Variants in SORT1 observed in about 807,000 individuals in gnomAD.
The protein encoded by SORT1 is sortilin 1.
A neutral mutation model predicts 101.7 loss-of-function variants in SORT1; 39 were observed. The ratio of observed to expected loss-of-function variants is 0.38; its 90% CI spans 0.30 to 0.50. SORT1 has a LOEUF of 0.50. Ranked by LOEUF, SORT1 falls within the 20% of genes least tolerant of loss-of-function variation. The pLI, the probability that SORT1 is intolerant of heterozygous loss-of-function variation, is 0.90. For missense variants in SORT1, 878 were observed against 1,040.4 expected (o/e 0.84, Z 2.15); for synonymous variants, 396 against 393.7 (o/e 1.01, Z -0.07).
chr1:109,376,067 G>A (rs1434234498), intron 1 of SORT1, among the ~76,000 whole-genome samples: 3 of 152,342 alleles, frequency 2.0e-5, no homozygotes, highest in African/African-American at 7.2e-5. Flanking sequence ...AAAGGGCCGG[G>A]CGTGGTGGCT....
At chr1:109,354,333 C>G (rs775262405) in intron 5 of SORT1, 34 bp downstream of exon 5, 2 of 1,578,580 alleles carry the variant, frequency 1.3e-6, no homozygotes, top group African/African-American at 1.4e-5. Context: ...CTATAAAATG[C>G]AAAAGGCAAA....
At chr1:109,360,366 T>C (rs1650638052) in intron 3 of SORT1, among the ~76,000 whole-genome samples, 1 of 152,102 alleles carries the variant, frequency 6.6e-6, no homozygotes, top group Non-Finnish European at 1.5e-5. Context: ...AGGGTCTTGC[T>C]CTGCCACCCA....
At chr1:109,347,574 T>G in intron 6 of SORT1, 42 bp from the exon 7 acceptor site, 2 of 1,395,552 alleles carry the variant, frequency 1.4e-6, no homozygotes, top group Non-Finnish European at 2.0e-6. Context: ...GGTTTAAGAC[T>G]GCTGAAGGAC....
intron 3 of SORT1, among the ~76,000 whole-genome samples, chr1:109,364,430 CTAGAAA>C (rs1403282276): frequency 6.6e-6 from 1 of 152,072 alleles, no homozygotes; most frequent in Admixed American, 6.5e-5. Context: ...GAAGAGTGAA[CTAGAAA>C]TAAACATCCC....
chr1:109,345,332 T>C (rs1172249068), intron 8 of SORT1, among the ~76,000 whole-genome samples: 2 of 152,056 alleles, frequency 1.3e-5, no homozygotes, highest in African/African-American at 2.4e-5. Flanking sequence ...CCGGCCAACA[T>C]GGCAAAACCC....
At chr1:109,390,404 C>T (rs901586213) in intron 1 of SORT1, among the ~76,000 whole-genome samples, 1 of 152,122 alleles carries the variant, frequency 6.6e-6, no homozygotes, top group African/African-American at 2.4e-5. Flanking sequence ...TAAAACTTCT[C>T]ATTTGACCCT....
rs988754885 is a variant in SORT1, at chr1:109,331,633, C to T, written c.1372-4032G>A. Reference sequence around the variant, plus strand: ...AGATCAGGAATAAGACAAAGATGCCCATTCTCACCACTTCTGTTCATTATA... The same window carrying T: ...AGATCAGGAATAAGACAAAGATGCCTATTCTCACCACTTCTGTTCATTATA... On this transcript the variant is annotated intron_variant, in intron 11 of 19. Coordinates refer to ENST00000256637, the MANE Select transcript of SORT1 (RefSeq NM_002959.7). 7.2e-5 allele frequency among the ~76,000 whole-genome samples: 11 copies of T among 152,250 alleles called. No homozygotes were observed. The South Asian group carries it at 2.3e-3, about 32-fold the overall frequency.
At chr1:109,344,257 G>C (rs1228167336) in intron 8 of SORT1, among the ~76,000 whole-genome samples, 1 of 150,808 alleles carries the variant, frequency 6.6e-6, no homozygotes, top group Non-Finnish European at 1.5e-5. Context: ...GCGTGCCCCT[G>C]TCAGGCTGTT....
intron 15 of SORT1, among the ~76,000 whole-genome samples, chr1:109,319,248 C>T (rs1386384014): frequency 6.6e-6 from 1 of 152,206 alleles, no homozygotes; most frequent in Non-Finnish European, 1.5e-5. Flanking sequence ...CATAGTGCCA[C>T]CCACTGCTCT....
chr1:109,396,785 G>A lies in SORT1; in HGVS notation c.306+802C>T, dbSNP rs151280791. 5.0e-3 allele frequency among the ~76,000 whole-genome samples: 765 copies of A among 152,356 alleles called. 10 individuals carry two copies. Among genetic ancestry groups the A allele is most frequent in the African/African-American group, 0.018 (734 of 41,590 alleles). ...AAATGTGGCTAGCAAGGATTAAATT[G>A]TTAATTTTAGAGAAATAGGAGAAAG... On this transcript the variant is annotated intron_variant, in intron 1 of 19. Coordinates refer to ENST00000256637, the MANE Select transcript of SORT1 (RefSeq NM_002959.7).
In SORT1 at chr1:109,310,334, CCTG is replaced by C. The variant is rs1003188279; in HGVS notation, c.*3706_*3708del. The stretch of plus-strand genomic sequence containing the variant: ...AACCTAACCAAGAAATCAACATGCT[CCTG>C]CTATTTCAATGATGCTTCATGAGGG... On this transcript the variant is annotated 3_prime_UTR_variant, in exon 20 of 20. Coordinates refer to ENST00000256637, the MANE Select transcript of SORT1 (RefSeq NM_002959.7). 22 of 153,702 alleles carry C rather than the reference CCTG, an allele frequency of 1.4e-4. No homozygotes were observed. The highest frequency in any genetic ancestry group is 5.9e-5 in the Non-Finnish European group (4 of 68,038). 9.5% of individuals were successfully genotyped at this position (153,702 alleles called of 1,614,324 possible). A position where few individuals can be genotyped will look rare whatever the true frequency, so the allele number is the denominator to read the frequency against.
intron 3 of SORT1, among the ~76,000 whole-genome samples, chr1:109,357,003 T>C (rs919834110): frequency 1.3e-5 from 2 of 152,242 alleles, no homozygotes; most frequent in Non-Finnish European, 2.9e-5. Flanking sequence ...AATATAGTTA[T>C]GTGTTGCATG....
intron 11 of SORT1, among the ~76,000 whole-genome samples, chr1:109,335,282 G>C (rs2101569647): frequency 6.6e-6 from 1 of 152,334 alleles, no homozygotes; most frequent in South Asian, 2.1e-4. Context: ...GCAGGGAGAG[G>C]CATGGGGAGC....
At chr1:109,367,628 G>A in intron 2 of SORT1, 147 bp from the exon 3 acceptor site, 3 of 522,698 alleles carry the variant, frequency 5.7e-6, no homozygotes, top group Non-Finnish European at 1.0e-5. Flanking sequence ...TAGTTACTAG[G>A]GCTGAGAATG....
chr1:109,327,953 G>C (rs1475236831), intron 11 of SORT1, among the ~76,000 whole-genome samples: 1 of 152,148 alleles, frequency 6.6e-6, no homozygotes, highest in Non-Finnish European at 1.5e-5. Flanking sequence ...GCTCATATAA[G>C]TAGAATCACA....
chr1:109,350,945 C>T lies in SORT1; in HGVS notation c.766G>A (p.Val256Ile). ...GTTACTCACCATTTGGCCAAACATA[C>T]TGCTTTGTGGATTTCTTCCCATTTT... ...GGKWEEIHKAVCLAKWGSDNT... is the reference protein window; with the variant it reads ...GGKWEEIHKAICLAKWGSDNT... Residue 256 changes from valine (V) to isoleucine (I), a missense_variant, in exon 6 of 20, where the codon GTA (valine) becomes ATA (isoleucine). By Grantham distance (29) the Val-to-Ile change is conservative. This residue lies in a region of SORT1 where 684 missense variants were observed against 894.5 expected (regional missense o/e 0.76). Coordinates refer to ENST00000256637, the MANE Select transcript of SORT1 (RefSeq NM_002959.7). 6.2e-7 allele frequency: 1 copy of T among 1,612,338 alleles called. No homozygotes were observed. Among genetic ancestry groups the T allele is most frequent in the Non-Finnish European group, 8.5e-7 (1 of 1,178,320 alleles).
At position 109,311,165 on chromosome 1, in the gene SORT1, C is replaced by T. The variant is rs72647810; in HGVS notation, c.*2878G>A. ...CCTGGTCTGTGGTCTCACTAAAGCCCAATGCCCAATTAGGTCCAGAGAAGA... is the reference window on the plus strand; with the variant it reads ...CCTGGTCTGTGGTCTCACTAAAGCCTAATGCCCAATTAGGTCCAGAGAAGA... On this transcript the variant is annotated 3_prime_UTR_variant, in exon 20 of 20. Transcript: ENST00000256637. 1.5e-3 allele frequency: 222 copies of T among 152,336 alleles called. No homozygotes were observed. Among genetic ancestry groups the T allele is most frequent in the African/African-American group, 5.0e-3 (209 of 41,580 alleles). 9.4% of individuals were successfully genotyped at this position (152,336 alleles called of 1,614,324 possible). A position where few individuals can be genotyped will look rare whatever the true frequency, so the allele number is the denominator to read the frequency against.
chr1:109,375,080 T>TA (rs766718247), intron 1 of SORT1, among the ~76,000 whole-genome samples: 3 of 151,982 alleles, frequency 2.0e-5, no homozygotes, highest in Non-Finnish European at 4.4e-5. Context: ...AACACAGAGA[T>TA]AAAAAAAGAC....
At chr1:109,360,225 A>T (rs1342137251) in intron 3 of SORT1, among the ~76,000 whole-genome samples, 1 of 152,186 alleles carries the variant, frequency 6.6e-6, no homozygotes, top group East Asian at 1.9e-4. Context: ...AGTCCCAGCC[A>T]CTTGGGAGGC....
Sources: gnomAD v4.1 joint callset for allele counts (sites outside exome capture counted in the v4.1 genomes callset) on GRCh38, gnomAD v4.1.1 for gene constraint, gnomAD v4.1.1 regional missense constraint, MANE v1.5 for transcripts, NCBI Gene and HGNC (gene_info 2026-07-23, HGNC 2026-07-21) for gene names.